The following GRK5 variants were observed in gnomAD, a reference collection of about 807,000 sequenced individuals.
The protein encoded by GRK5 is g protein-coupled receptor kinase GRK5.
GRK5 carries 40 observed loss-of-function variants against 78.4 expected under a neutral mutation model. The ratio of observed to expected loss-of-function variants is 0.51; its 90% CI spans 0.40 to 0.66. GRK5 has a LOEUF of 0.66. Ranked by LOEUF, GRK5 falls within the 30% of genes least tolerant of loss-of-function variation. The pLI, the probability that GRK5 is intolerant of heterozygous loss-of-function variation, is 0.00. For missense variants in GRK5, 598 were observed against 759.9 expected (o/e 0.79, Z 2.50); for synonymous variants, 289 against 296.8 (o/e 0.97, Z 0.27).
intron 1 of GRK5, among the ~76,000 whole-genome samples, chr10:119,287,963 TG>T (rs139316372): frequency 0.19 from 28,544 of 152,252 alleles, 2,857 homozygotes; most frequent in South Asian, 0.23. Context: ...CTGCTGGCCC[TG>T]GGTTCATCCT....
At chr10:119,421,256 A>G (rs1410701662) in intron 4 of GRK5, among the ~76,000 whole-genome samples, 1 of 152,220 alleles carries the variant, frequency 6.6e-6, no homozygotes, top group Non-Finnish European at 1.5e-5. Flanking sequence ...GATTTGTGCT[A>G]ATATTCAGTT....
At position 119,207,589 on chromosome 10, in the gene GRK5, A is replaced by G; in HGVS notation, c.-329A>G. ...GGGAGGCAGAAGCATCCGAGGCATT[A>G]AAGCATCCGAGGGAGCCGGAGGGGA... On this transcript the variant is annotated 5_prime_UTR_variant, in exon 1 of 16. Coordinates refer to ENST00000392870, the MANE Select transcript of GRK5 (RefSeq NM_005308.3). 1 of 278,336 alleles carries G rather than the reference A, an allele frequency of 3.6e-6. No homozygotes were observed. 17.2% of individuals were successfully genotyped at this position (278,336 alleles called of 1,614,324 possible). A position where few individuals can be genotyped will look rare whatever the true frequency, so the allele number is the denominator to read the frequency against.
intron 1 of GRK5, among the ~76,000 whole-genome samples, chr10:119,308,292 G>T (rs1238758428): frequency 6.6e-6 from 1 of 152,034 alleles, no homozygotes; most frequent in African/African-American, 2.4e-5. Context: ...ACCCTGCCCC[G>T]GCCTCAGCTT....
At chr10:119,229,619 A>G (rs1173997299) in intron 1 of GRK5, among the ~76,000 whole-genome samples, 1 of 152,198 alleles carries the variant, frequency 6.6e-6, no homozygotes, top group African/African-American at 2.4e-5. Flanking sequence ...CTTCCTCTTC[A>G]GGACCTTCCA....
rs574250796 is a variant in GRK5, at chr10:119,271,246, A to G, written c.53-55270A>G. 2.0e-5 allele frequency among the ~76,000 whole-genome samples: 3 copies of G among 152,256 alleles called. No individual in the cohort carries two copies. The East Asian group carries it at 5.8e-4, about 29-fold the overall frequency. ...CCCTTTGGGCGCTGGTCATTCAGAG[A>G]GGCCCTCTCAGACACGCCTGGCCTC... is the stretch of plus-strand genomic sequence containing the variant. On this transcript the variant is annotated intron_variant, in intron 1 of 15. Transcript: ENST00000392870. This position sits in a 1 kb window ranked among gnomAD's most constrained non-coding sequence, Gnocchi z 4.1.
intron 2 of GRK5, among the ~76,000 whole-genome samples, chr10:119,358,374 T>C (rs983119339): frequency 5.9e-5 from 9 of 152,208 alleles, no homozygotes; most frequent in South Asian, 2.1e-4. Flanking sequence ...GACCATGTGA[T>C]TTGACTGGCA....
At position 119,336,441 on chromosome 10, in the gene GRK5, TG is replaced by T. The variant is rs948688336; in HGVS notation, c.148+9831del. Among the ~76,000 whole-genome samples the T allele has an allele frequency of 2.0e-5, 3 of 152,254 alleles. No individual in the cohort carries two copies. Among genetic ancestry groups the T allele is most frequent in the Non-Finnish European group, 4.4e-5 (3 of 68,018 alleles). ...GGGACACTGGCTTTATCTGTAAGATTGTTTTTTTTTTAAAAAAAGAATGAAT... is the reference window on the plus strand; with the variant it reads ...GGGACACTGGCTTTATCTGTAAGATTTTTTTTTTTTAAAAAAAGAATGAAT... On this transcript the variant is annotated intron_variant, in intron 2 of 15. Coordinates refer to ENST00000392870, the MANE Select transcript of GRK5 (RefSeq NM_005308.3). This position sits in a 1 kb window ranked among gnomAD's most constrained non-coding sequence, Gnocchi z 4.5.
intron 1 of GRK5, among the ~76,000 whole-genome samples, chr10:119,324,859 T>G (rs1348262716): frequency 6.6e-6 from 1 of 152,098 alleles, no homozygotes; most frequent in African/African-American, 2.4e-5. Context: ...AACAAGATAA[T>G]GTACAGGTGG....
At chr10:119,242,849 G>T (rs1043822721) in intron 1 of GRK5, among the ~76,000 whole-genome samples, 6 of 151,904 alleles carry the variant, frequency 3.9e-5, no homozygotes, top group African/African-American at 1.5e-4. Context: ...AGTTTCCTGA[G>T]CTCCCCCCGC....
At chr10:119,220,384 T>G (rs1426843040) in intron 1 of GRK5, among the ~76,000 whole-genome samples, 1 of 152,198 alleles carries the variant, frequency 6.6e-6, no homozygotes, top group Non-Finnish European at 1.5e-5. Context: ...AAATATAAAT[T>G]AAGGAAGGAG....
intron 1 of GRK5, among the ~76,000 whole-genome samples, chr10:119,269,511 G>A (rs1849553040): frequency 6.6e-6 from 1 of 152,010 alleles, no homozygotes; most frequent in South Asian, 2.1e-4. Flanking sequence ...CTCATCCTGG[G>A]GAGTCAGGGT....
intron 4 of GRK5, among the ~76,000 whole-genome samples, chr10:119,420,553 CT>C (rs1276695314): frequency 6.7e-6 from 1 of 149,972 alleles, no homozygotes; most frequent in Admixed American, 6.6e-5. Context: ...TCTCTTTTTT[CT>C]TTTTTTTCTT....
At chr10:119,261,194 G>A (rs1201157330) in intron 1 of GRK5, among the ~76,000 whole-genome samples, 4 of 149,732 alleles carry the variant, frequency 2.7e-5, no homozygotes, top group Middle Eastern at 7.2e-3. Context: ...GGCGGCTGCC[G>A]GGCGGAGGGT....
intron 1 of GRK5, among the ~76,000 whole-genome samples, chr10:119,261,348 G>A (rs998083936): frequency 2.0e-5 from 3 of 149,286 alleles, no homozygotes; most frequent in East Asian, 2.0e-4. Flanking sequence ...GATGGCGGCC[G>A]GGAAGAGGCG....
intron 9 of GRK5, 101 bp downstream of exon 9, chr10:119,436,942 G>T: frequency 9.2e-7 from 1 of 1,085,606 alleles, no homozygotes; most frequent in Middle Eastern, 3.1e-4. Context: ...CTGGGAATCA[G>T]CCCTGGTCAG....
intron 4 of GRK5, among the ~76,000 whole-genome samples, chr10:119,400,693 T>A (rs570987397): frequency 3.3e-5 from 5 of 152,218 alleles, no homozygotes; most frequent in African/African-American, 1.2e-4. Flanking sequence ...GAGTTGCCAG[T>A]GCTTCGAGTG....
At chr10:119,315,804 C>T (rs192175780) in intron 1 of GRK5, among the ~76,000 whole-genome samples, 8 of 152,160 alleles carry the variant, frequency 5.3e-5, no homozygotes, top group South Asian at 2.1e-4. Flanking sequence ...GCAGTCACTG[C>T]GACACCTGAG....
rs542790378 is a variant in GRK5 at position 119,337,878 on chromosome 10, T to A, written c.148+11267T>A. Among the ~76,000 whole-genome samples the A allele has an allele frequency of 2.0e-5, 3 of 152,270 alleles. No homozygotes were observed. In the East Asian group the frequency reaches 5.8e-4, roughly 29 times the overall value. On this transcript the variant is annotated intron_variant, in intron 2 of 15. Coordinates refer to ENST00000392870, the MANE Select transcript of GRK5 (RefSeq NM_005308.3). ...CTCAGGAGATCCTCCTGCCTTGGCC[T>A]CCCATAGTATTGGGAGTACAGGCGT...
intron 13 of GRK5, among the ~76,000 whole-genome samples, chr10:119,449,723 A>G (rs1034282600): frequency 1.3e-5 from 2 of 152,224 alleles, no homozygotes; most frequent in African/African-American, 4.8e-5. Flanking sequence ...CAGGAGGCAG[A>G]GGTTGCAGTG....
Sources: gnomAD v4.1 joint callset for allele counts (sites outside exome capture counted in the v4.1 genomes callset) on GRCh38, gnomAD v4.1.1 for gene constraint, Gnocchi (gnomAD v3.1) non-coding constraint, MANE v1.5 for transcripts, NCBI Gene and HGNC (gene_info 2026-07-23, HGNC 2026-07-21) for gene names.